Variants in RELN observed in about 807,000 individuals in gnomAD.
RELN encodes the protein reelin.
In RELN, 108 loss-of-function variants were observed where a neutral mutation model predicts 427.6. That is an observed-to-expected ratio of 0.25 (90% CI 0.22 to 0.30). The LOEUF is 0.30. Among genes scored for constraint, RELN ranks in the 10% least tolerant of loss-of-function variants. RELN has a pLI of 1.00. For synonymous variants in RELN, 1,524 were observed against 1,513.4 expected, an observed-to-expected ratio of 1.01 and a Z score of -0.16; for missense variants, 3,715 against 4,302.8, an observed-to-expected ratio of 0.86 and a Z score of 3.82.
At position 103,604,358 on chromosome 7, in the gene RELN, T is replaced by A. The variant is rs771787725; in HGVS notation, c.3134A>T (p.His1045Leu). ...NMCSGHGSCD[H>L]GICRCDQGYQ... ...CTGGTGCACATACCTGCATATGCCA[T>A]GATCGCATGAGCCATGCCCACTGCA... The change falls in exon 23 of 65, where the codon CAT becomes CTT. Residue 1045 changes from histidine (H) to leucine (L), a missense_variant. His to Leu is a moderately conservative substitution (Grantham distance 99). This residue lies in a region of RELN where 2,208 missense variants were observed against 2,361.7 expected (regional missense o/e 0.93). Transcript: ENST00000428762. 7 of 1,613,826 alleles carry A rather than the reference T, an allele frequency of 4.3e-6. No homozygotes were observed. The East Asian group carries it at 1.6e-4, about 36-fold the overall frequency.
intron 5 of RELN, among the ~76,000 whole-genome samples, chr7:103,750,244 C>T (rs1790963730): frequency 6.6e-6 from 1 of 152,206 alleles, no homozygotes; most frequent in Non-Finnish European, 1.5e-5. Flanking sequence ...TCCCAAAGTG[C>T]TGGGGTTACA....
intron 25 of RELN, among the ~76,000 whole-genome samples, chr7:103,596,116 T>C (rs895107953): frequency 2.6e-5 from 4 of 152,192 alleles, no homozygotes; most frequent in African/African-American, 4.8e-5. Flanking sequence ...GCATAATTTG[T>C]GTGTGCATTA....
At chr7:103,572,390 T>C (rs897064108) in intron 30 of RELN, 130 bp from the exon 31 acceptor site, 8 of 654,528 alleles carry the variant, frequency 1.2e-5, no homozygotes, top group African/African-American at 3.7e-5. Flanking sequence ...AAAGGGCATA[T>C]GAGAAGCAGA....
At chr7:103,683,014 A>G (rs1323419085) in intron 10 of RELN, among the ~76,000 whole-genome samples, 1 of 152,208 alleles carries the variant, frequency 6.6e-6, no homozygotes, top group Admixed American at 6.6e-5. Context: ...AAAAATTATT[A>G]TAAGTTTGCA....
chr7:103,710,942 G>A (rs573466554), intron 8 of RELN, among the ~76,000 whole-genome samples: 1 of 152,312 alleles, frequency 6.6e-6, no homozygotes, highest in South Asian at 2.1e-4. Flanking sequence ...TACTCAGGAG[G>A]CTGAGGCAGG....
Position 103,728,104 on chromosome 7 carries a change from T to A in RELN, c.753+7A>T, listed in dbSNP as rs1211512029. 6.2e-7 allele frequency: 1 copy of A among 1,613,412 alleles called. No homozygotes were observed. Among genetic ancestry groups the A allele is most frequent in the East Asian group, 2.2e-5 (1 of 44,878 alleles). On this transcript the variant is annotated splice_region_variant and intron_variant, in intron 7 of 64. Transcript: ENST00000428762. The stretch of plus-strand genomic sequence containing the variant: ...TGGAATAATGTACATGAATAGCACA[T>A]ACTTACCAGTTCTCGTGGGCCATAT...
chr7:103,740,402 C>T (rs471360), intron 6 of RELN, among the ~76,000 whole-genome samples: 34,196 of 152,052 alleles, frequency 0.22, 4,981 homozygotes, highest in African/African-American at 0.42. Flanking sequence ...AGGAGGCTTA[C>T]TTTTACTGCT....
At chr7:103,669,200 T>C (rs1157565392) in intron 11 of RELN, among the ~76,000 whole-genome samples, 1 of 152,210 alleles carries the variant, frequency 6.6e-6, no homozygotes, top group South Asian at 2.1e-4. Context: ...AGTTACTTCC[T>C]TTAGAAATCC....
chr7:103,938,616 T>G (rs907269606), intron 1 of RELN, among the ~76,000 whole-genome samples: 2 of 152,234 alleles, frequency 1.3e-5, no homozygotes, highest in East Asian at 3.8e-4. Flanking sequence ...TATCTAATTA[T>G]GTTGTGTTTC....
At chr7:103,702,816 G>A (rs1322203558) in intron 8 of RELN, among the ~76,000 whole-genome samples, 1 of 152,152 alleles carries the variant, frequency 6.6e-6, no homozygotes, top group East Asian at 1.9e-4. Flanking sequence ...AGCCTCACCG[G>A]TTCTCACCCA....
At chr7:103,882,238 T>C (rs1304533394) in intron 2 of RELN, among the ~76,000 whole-genome samples, 1 of 152,220 alleles carries the variant, frequency 6.6e-6, no homozygotes, top group Non-Finnish European at 1.5e-5. Flanking sequence ...AACTACAGTC[T>C]CACTTCTGTT....
intron 2 of RELN, among the ~76,000 whole-genome samples, chr7:103,835,630 T>C (rs1454973533): frequency 2.0e-5 from 3 of 152,194 alleles, no homozygotes; most frequent in Non-Finnish European, 2.9e-5. Flanking sequence ...GTTTATTATT[T>C]AAAAAATTAC....
At chr7:103,981,620 A>G (rs547064922) in intron 1 of RELN, among the ~76,000 whole-genome samples, 1 of 152,350 alleles carries the variant, frequency 6.6e-6, no homozygotes, top group African/African-American at 2.4e-5. Context: ...CAAGTAACAG[A>G]AACAACTTAA....
intron 7 of RELN, among the ~76,000 whole-genome samples, chr7:103,723,428 T>C (rs1790127244): frequency 6.6e-6 from 1 of 152,196 alleles, no homozygotes; most frequent in African/African-American, 2.4e-5. Flanking sequence ...ACGGATAGCA[T>C]ATTTCTCAAT....
chr7:103,724,237 T>C (rs1393389955), intron 7 of RELN, among the ~76,000 whole-genome samples: 1 of 152,108 alleles, frequency 6.6e-6, no homozygotes, highest in Non-Finnish European at 1.5e-5. Context: ...TTGCTTCTTA[T>C]ATGTCTTAAT....
intron 2 of RELN, among the ~76,000 whole-genome samples, chr7:103,870,757 T>C (rs370740063): frequency 6.6e-6 from 1 of 152,060 alleles, no homozygotes; most frequent in East Asian, 1.9e-4. Context: ...GTAGCAGCCA[T>C]TGTCTGGAAA....
chr7:103,489,652 A>G (rs1828580573), intron 60 of RELN, 90 bp downstream of exon 60: 8 of 1,454,192 alleles, frequency 5.5e-6, no homozygotes, highest in South Asian at 4.9e-5. Context: ...TGGAGTTTCT[A>G]TCCATTTCCT....
intron 5 of RELN, among the ~76,000 whole-genome samples, chr7:103,751,944 T>C (rs553917038): frequency 6.6e-6 from 1 of 152,224 alleles, no homozygotes; most frequent in Non-Finnish European, 1.5e-5. Context: ...TTAAATACTA[T>C]AGTGTAGGAA....
At chr7:103,615,749 A>G (rs1832065267) in intron 20 of RELN, among the ~76,000 whole-genome samples, 1 of 152,178 alleles carries the variant, frequency 6.6e-6, no homozygotes, top group African/African-American at 2.4e-5. Context: ...GCTCCCAAAG[A>G]ATGTTTGTTA....
Sources: allele counts gnomAD v4.1 joint callset (sites outside exome capture counted in the v4.1 genomes callset), GRCh38; gene constraint gnomAD v4.1.1; regional missense constraint gnomAD v4.1.1; transcripts MANE v1.5; gene names NCBI Gene and HGNC (gene_info 2026-07-23, HGNC 2026-07-21).